BBS7: variants seen among roughly 807,000 people sequenced by gnomAD.
BBS7 encodes the protein BBSome complex member BBS7.
Under a neutral mutation model 90.3 loss-of-function variants are expected in BBS7, and 50 were observed. That is an observed-to-expected ratio of 0.55 (90% CI 0.44 to 0.70). BBS7 has a LOEUF of 0.70. Ranked by LOEUF, BBS7 falls within the 30% of genes least tolerant of loss-of-function variation. The probability of loss-of-function intolerance (pLI) is 0.00; values close to 1 mark genes in which losing one functional copy is unlikely to be tolerated. For synonymous variants in BBS7, 235 were observed against 287.4 expected (o/e 0.82, Z 1.85); for missense variants, 729 against 838.9 (o/e 0.87, Z 1.62).
At chr4:121,848,136 C>T (rs1237024549) in intron 9 of BBS7, among the ~76,000 whole-genome samples, 1 of 152,102 alleles carries the variant, frequency 6.6e-6, no homozygotes, top group Non-Finnish European at 1.5e-5. Flanking sequence ...TACATTTTCT[C>T]CTTATTTTTT....
rs546649349 is a variant in BBS7, at chr4:121,870,411, G to A, written c.-98C>T. 52 of 1,457,984 alleles carry A rather than the reference G, an allele frequency of 3.6e-5. No homozygotes were observed. Among genetic ancestry groups the A allele is most frequent in the Non-Finnish European group, 4.6e-5 (48 of 1,046,500 alleles). 90.3% of individuals were successfully genotyped at this position (1,457,984 alleles called of 1,614,324 possible). On this transcript the variant is annotated 5_prime_UTR_variant, in exon 1 of 19. Transcript: ENST00000264499. ...CCGACCCAGTCAGAAGGCTGCCCGCGCCCCTCAAAAGCCAGCCCCAGCTAC... is the reference window on the plus strand; with the variant it reads ...CCGACCCAGTCAGAAGGCTGCCCGCACCCCTCAAAAGCCAGCCCCAGCTAC...
At chr4:121,841,142 A>G (rs1450622706) in intron 12 of BBS7, among the ~76,000 whole-genome samples, 1 of 152,134 alleles carries the variant, frequency 6.6e-6, no homozygotes, top group Non-Finnish European at 1.5e-5. Context: ...GCCAAGCCGT[A>G]AATGTGTTCT....
At chr4:121,867,025 G>A (rs931902177) in intron 2 of BBS7, among the ~76,000 whole-genome samples, 1 of 152,010 alleles carries the variant, frequency 6.6e-6, no homozygotes, top group African/African-American at 2.4e-5. Context: ...GGGTTGTATT[G>A]TTATTTTAAC....
chr4:121,865,435 C>T (rs368534892), intron 2 of BBS7, among the ~76,000 whole-genome samples: 3 of 152,128 alleles, frequency 2.0e-5, no homozygotes, highest in East Asian at 3.8e-4. Context: ...GATGGGGTTT[C>T]ACCATGTTGG....
intron 1 of BBS7, among the ~76,000 whole-genome samples, chr4:121,868,795 A>C (rs1727428926): frequency 6.6e-6 from 1 of 152,094 alleles, no homozygotes; most frequent in Non-Finnish European, 1.5e-5. Flanking sequence ...TTACAAAAAA[A>C]TACAGAGGAT....
At chr4:121,832,045 A>C (rs866181156) in intron 15 of BBS7, among the ~76,000 whole-genome samples, 8 of 100,426 alleles carry the variant, frequency 8.0e-5, no homozygotes, top group South Asian at 2.8e-4. Context: ...CACACACACA[A>C]AACAAACAAC....
intron 2 of BBS7, among the ~76,000 whole-genome samples, chr4:121,865,739 G>C (rs976288409): frequency 2.0e-5 from 3 of 152,102 alleles, no homozygotes; most frequent in Admixed American, 1.3e-4. Flanking sequence ...CCAGCAGTGG[G>C]GTTGCTAAAT....
intron 15 of BBS7, 51 bp from the exon 16 acceptor site, chr4:121,828,779 C>T (rs1237112945): frequency 3.7e-6 from 4 of 1,076,680 alleles, no homozygotes; most frequent in African/African-American, 3.2e-5. Context: ...GGAAATTGTC[C>T]AGTACATATA....
chr4:121,832,934 T>C (rs1446769293), intron 15 of BBS7, among the ~76,000 whole-genome samples: 1 of 152,234 alleles, frequency 6.6e-6, no homozygotes, highest in Non-Finnish European at 1.5e-5. Context: ...CTACAGATTT[T>C]ATCTGGCTAT....
intron 5 of BBS7, among the ~76,000 whole-genome samples, chr4:121,858,227 G>C (rs908350934): frequency 6.6e-6 from 1 of 152,178 alleles, no homozygotes; most frequent in Non-Finnish European, 1.5e-5. Flanking sequence ...GAATTCCAAA[G>C]AGTGAGATAG....
rs1042093332 is a variant in BBS7 at position 121,848,523 on chromosome 4, C to T, written c.934+321G>A. ...AACCTCACTTTATTTAATAAGGACC[C>T]GAAAGCACAAGAGTAGTGATGTAAG... is the stretch of plus-strand genomic sequence containing the variant. On this transcript the variant is annotated intron_variant, in intron 9 of 18. Transcript: ENST00000264499. Among the ~76,000 whole-genome samples the T allele has an allele frequency of 3.3e-5, 5 of 152,182 alleles. No individual in the cohort carries two copies. The Middle Eastern group carries it at 0.01, about 311-fold the overall frequency.
rs201524145 is a variant in BBS7 at position 121,835,125 on chromosome 4, G to T, written c.1511+19C>A. 135 of 1,612,598 alleles carry T rather than the reference G, an allele frequency of 8.4e-5. No homozygotes were observed. Among genetic ancestry groups the T allele is most frequent in the Middle Eastern group, 1.6e-4 (1 of 6,080 alleles). On this transcript the variant is annotated intron_variant, in intron 14 of 18. Transcript: ENST00000264499. ...TTGTGTAATATCCTAAAAAGAATTT[G>T]CTCTTTCCTTTGTCCTACCTGTCAT...
In BBS7 at chr4:121,854,772, G is replaced by GC. The variant is rs886044668; in HGVS notation, c.649dup (p.Ala217GlyfsTer19). The GC allele has an allele frequency of 6.2e-7, 1 of 1,612,486 alleles. No individual in the cohort carries two copies. The highest frequency in any genetic ancestry group is 2.2e-5 in the East Asian group (1 of 44,770). On this transcript the variant is annotated frameshift_variant, in exon 7 of 19. Transcript: ENST00000264499. LOFTEE classifies it high-confidence loss of function. ...TTTGGATGTAGTAATCTGTATAAGC[G>GC]CAAGTTTTCCGTCTGATGTCCCAAA...
chr4:121,828,714 A>G lies in BBS7; in HGVS notation c.1691T>C (p.Val564Ala), dbSNP rs1463083357. 5 of 1,585,020 alleles carry G rather than the reference A, an allele frequency of 3.2e-6. No individual in the cohort carries two copies. Among genetic ancestry groups the G allele is most frequent in the Non-Finnish European group, 4.3e-6 (5 of 1,159,556 alleles). Residue 564 changes from valine to alanine, a missense_variant, in exon 16 of 19, where the codon GTT becomes GCT. Coordinates refer to ENST00000264499, the MANE Select transcript of BBS7 (RefSeq NM_176824.3). ...AGTAGAAATGTTGTCAGATTTAAAA[A>G]CTCCCTCTCCTTTTCTATAAAATTA... ...LESTYRKGEG[V>A]FKSDNISTIS...
In BBS7 at chr4:121,867,991, GCT is replaced by G. The variant is rs1291044978; in HGVS notation, c.90_91del (p.Arg30SerfsTer11). 2 of 1,613,010 alleles carry G rather than the reference GCT, an allele frequency of 1.2e-6. No homozygotes were observed. The highest frequency in any genetic ancestry group is 2.7e-5 in the African/African-American group (2 of 74,890). On this transcript the variant is annotated frameshift_variant, in exon 2 of 19. Coordinates refer to ENST00000264499, the MANE Select transcript of BBS7 (RefSeq NM_176824.3). LOFTEE classifies it high-confidence loss of function. ...GAATCTATACAGTACCTTTTGTGTA[GCT>G]CTGTGTCTTGAGGCAGGAATTAGCT...
At chr4:121,833,631 G>T (rs1264785841) in intron 14 of BBS7, among the ~76,000 whole-genome samples, 2 of 151,752 alleles carry the variant, frequency 1.3e-5, no homozygotes, top group Non-Finnish European at 2.9e-5. Context: ...TATGTAAACA[G>T]GTTTTATTCA....
intron 14 of BBS7, 149 bp downstream of exon 14, chr4:121,834,995 T>C (rs1725379666): frequency 1.1e-5 from 8 of 751,186 alleles, no homozygotes; most frequent in South Asian, 7.9e-5. Flanking sequence ...CTTATATTTA[T>C]TGGAAATATT....
intron 12 of BBS7, among the ~76,000 whole-genome samples, chr4:121,841,648 T>G (rs868805934): frequency 1.8e-4 from 27 of 152,304 alleles, no homozygotes; most frequent in Middle Eastern, 6.8e-3. Flanking sequence ...TCTACTTTTG[T>G]GTATACTTGA....
chr4:121,855,897 T>C (rs944418550), intron 5 of BBS7, among the ~76,000 whole-genome samples: 1 of 142,438 alleles, frequency 7.0e-6, no homozygotes, highest in African/African-American at 2.8e-5. Context: ...TACATACATG[T>C]ATGTGTATAT....
Sources: allele counts gnomAD v4.1 joint callset (sites outside exome capture counted in the v4.1 genomes callset), GRCh38; gene constraint gnomAD v4.1.1; transcripts MANE v1.5; gene names NCBI Gene and HGNC (gene_info 2026-07-23, HGNC 2026-07-21).